Variants in ABCC4 observed in about 807,000 individuals in gnomAD.
The protein encoded by ABCC4 is ATP-binding cassette sub-family C member 4.
In ABCC4, 102 loss-of-function variants were observed where a neutral mutation model predicts 168.5. That is an observed-to-expected ratio of 0.61 (90% confidence interval 0.52 to 0.71). ABCC4 has a LOEUF of 0.71. ABCC4 is among the 30% of genes least tolerant of loss of function. ABCC4 has a pLI of 0.00. For synonymous variants in ABCC4, 617 were observed against 590.7 expected (o/e 1.04, Z -0.65); for missense variants, 1,402 against 1,605.8 (o/e 0.87, Z 2.17).
Position 95,166,194 on chromosome 13 carries a change from T to C in ABCC4, c.1998A>G (p.Arg666=), listed in dbSNP as rs772898402. 14 of 1,613,820 alleles carry C rather than the reference T, an allele frequency of 8.7e-6. 1 individual carries two copies. Among genetic ancestry groups the C allele is most frequent in the Middle Eastern group, 3.3e-4 (2 of 6,080 alleles). The change falls in exon 15 of 31, where the codon AGA becomes AGG. Residue 666 remains arginine (R), a synonymous_variant. Coordinates refer to ENST00000645237, the MANE Select transcript of ABCC4 (RefSeq NM_005845.5). ...CCAGAGCACCATCTTTCAAGGAGGG[T>C]CTAGAAGATTGTTGAGACCAAACCG... ...ESSVWSQQSS[R]PSLKDGALES...
At chr13:95,071,563 G>GT in intron 25 of ABCC4, 99 bp downstream of exon 25, 1 of 1,051,854 alleles carries the variant, frequency 9.5e-7, no homozygotes, top group Non-Finnish European at 1.3e-6. Flanking sequence ...GTTAACCTAC[G>GT]TATCACTGAT....
chr13:95,061,935 T>C (rs1324156318), intron 26 of ABCC4, among the ~76,000 whole-genome samples: 12 of 152,182 alleles, frequency 7.9e-5, no homozygotes, highest in Admixed American at 7.9e-4. Context: ...GGAGCTCTTA[T>C]TGTACAAATA....
intron 26 of ABCC4, chr13:95,054,017 C>T (rs1392141076): frequency 4.7e-5 from 4 of 85,286 alleles, no homozygotes; most frequent in African/African-American, 2.5e-4. Context: ...CAGAATGGGA[C>T]ATCCTTTTTT....
chr13:95,258,535 C>T (rs1566576512), intron 1 of ABCC4, among the ~76,000 whole-genome samples: 1 of 152,192 alleles, frequency 6.6e-6, no homozygotes. Flanking sequence ...CCATTTACTA[C>T]AATCTATTTG....
At chr13:95,167,310 T>C (rs929447693) in intron 14 of ABCC4, among the ~76,000 whole-genome samples, 1 of 152,158 alleles carries the variant, frequency 6.6e-6, no homozygotes, top group African/African-American at 2.4e-5. Flanking sequence ...TACAAAGTCA[T>C]AGAAAATAAT....
chr13:95,115,825 A>G (rs952881825), intron 20 of ABCC4, 97 bp downstream of exon 20: 71 of 935,860 alleles, frequency 7.6e-5, no homozygotes, highest in Non-Finnish European at 1.2e-4. Context: ...ACACACAGCC[A>G]GGCCGAGAGT....
At chr13:95,092,225 T>C (rs2034457327) in intron 20 of ABCC4, among the ~76,000 whole-genome samples, 1 of 152,126 alleles carries the variant, frequency 6.6e-6, no homozygotes, top group Non-Finnish European at 1.5e-5. Context: ...GGGACTTCAA[T>C]ACTTCACTGA....
At chr13:95,276,949 G>A (rs951568701) in intron 1 of ABCC4, among the ~76,000 whole-genome samples, 1 of 152,056 alleles carries the variant, frequency 6.6e-6, no homozygotes, top group Non-Finnish European at 1.5e-5. Context: ...AATCCGGGAG[G>A]CAAAAGTTGG....
chr13:95,209,536 A>G lies in ABCC4; in HGVS notation c.683T>C (p.Leu228Pro). The change falls in exon 6 of 31, where the codon CTA becomes CCA. Residue 228 changes from leucine to proline, a missense_variant. Transcript: ENST00000645237. ...GPLQAIAVTALLWMEIGISCL... is the reference protein window; with the variant it reads ...GPLQAIAVTAPLWMEIGISCL... ...CGATATTCCTATCTCCATCCAGAGT[A>G]GGGCAGTCACTGCAATCGCCTGCAG... 1 of 1,614,182 alleles carries G rather than the reference A, an allele frequency of 6.2e-7. No individual in the cohort carries two copies. The highest frequency in any genetic ancestry group is 8.5e-7 in the Non-Finnish European group (1 of 1,179,998).
At chr13:95,272,723 A>G (rs111749724) in intron 1 of ABCC4, among the ~76,000 whole-genome samples, 31,236 of 151,800 alleles carry the variant, frequency 0.21, 5,046 homozygotes, top group African/African-American at 0.45. Context: ...CCCTGTCTCT[A>G]CTAAAAATCC....
chr13:95,032,744 A>G (rs1444019728), intron 30 of ABCC4, among the ~76,000 whole-genome samples: 2 of 151,640 alleles, frequency 1.3e-5, no homozygotes, highest in African/African-American at 4.8e-5. Context: ...GCTCACTGCA[A>G]CCTCCGCCTC....
At chr13:95,039,278 T>C (rs888733974) in intron 29 of ABCC4, among the ~76,000 whole-genome samples, 1 of 152,186 alleles carries the variant, frequency 6.6e-6, no homozygotes, top group Non-Finnish European at 1.5e-5. Context: ...AAGCTTCACA[T>C]CAGAGCTCAA....
chr13:95,265,481 A>G (rs1313133133), intron 1 of ABCC4, among the ~76,000 whole-genome samples: 1 of 152,220 alleles, frequency 6.6e-6, no homozygotes, highest in Non-Finnish European at 1.5e-5. Context: ...AAGGTAAAAC[A>G]TGAAATTAGC....
intron 11 of ABCC4, among the ~76,000 whole-genome samples, chr13:95,178,447 A>G (rs577266210): frequency 3.3e-5 from 5 of 152,344 alleles, no homozygotes; most frequent in Admixed American, 2.0e-4. Flanking sequence ...GTAAGAGGTG[A>G]TAAGTGCTAA....
intron 20 of ABCC4, among the ~76,000 whole-genome samples, chr13:95,089,358 A>C (rs369830422): frequency 1.3e-5 from 2 of 152,184 alleles, no homozygotes; most frequent in Admixed American, 6.5e-5. Flanking sequence ...GGTGACTCAC[A>C]CCTGTAATCC....
chr13:95,269,924 A>G (rs2040801634), intron 1 of ABCC4, among the ~76,000 whole-genome samples: 1 of 152,174 alleles, frequency 6.6e-6, no homozygotes, highest in Non-Finnish European at 1.5e-5. Context: ...AAAAAGTAAC[A>G]CTTCTAGGGC....
chr13:95,253,135 T>C (rs1027818402), intron 1 of ABCC4, among the ~76,000 whole-genome samples: 17 of 152,154 alleles, frequency 1.1e-4, no homozygotes, highest in African/African-American at 3.6e-4. Flanking sequence ...GCCTCCACGA[T>C]AGAAAGGTTA....
intron 20 of ABCC4, among the ~76,000 whole-genome samples, chr13:95,115,173 C>T (rs957972594): frequency 6.6e-5 from 10 of 150,980 alleles, no homozygotes; most frequent in Non-Finnish European, 1.0e-4. Flanking sequence ...AGCAACAGTA[C>T]TGAATAAGGA....
chr13:95,048,757 C>T (rs781357201), intron 27 of ABCC4, among the ~76,000 whole-genome samples: 2 of 152,168 alleles, frequency 1.3e-5, no homozygotes, highest in Non-Finnish European at 2.9e-5. Flanking sequence ...TCCACTATTC[C>T]AACATGATAT....
Sources: gnomAD v4.1 joint callset for allele counts (sites outside exome capture counted in the v4.1 genomes callset) on GRCh38, gnomAD v4.1.1 for gene constraint, MANE v1.5 for transcripts, NCBI Gene and HGNC (gene_info 2026-07-23, HGNC 2026-07-21) for gene names.